The following PFKFB3 variants were observed in gnomAD, a reference collection of about 807,000 sequenced individuals.
The protein encoded by PFKFB3 is 6-phosphofructo-2-kinase/fructose-2,6-biphosphatase 3.
Under a neutral mutation model 68.0 loss-of-function variants are expected in PFKFB3, and 33 were observed. The observed-to-expected ratio is 0.49, with a 90% confidence interval of 0.37 to 0.65. The LOEUF is 0.65. Ranked by LOEUF, PFKFB3 falls within the 30% of genes least tolerant of loss-of-function variation. The pLI, the probability that PFKFB3 is intolerant of heterozygous loss-of-function variation, is 0.00. For synonymous variants in PFKFB3, 315 were observed against 288.2 expected (o/e 1.09, Z -0.94); for missense variants, 586 against 712.2 (o/e 0.82, Z 2.02).
chr10:6,254,401 G>A (rs936683688), exon 15 of PFKFB3: 1 of 398,564 alleles, frequency 2.5e-6, no homozygotes, highest in Non-Finnish European at 4.4e-6. Context: ...CAATTAACCT[G>A]AGCTGCTGAG....
intron 14 of PFKFB3, among the ~76,000 whole-genome samples, chr10:6,232,238 G>GT (rs980295671): frequency 1.3e-4 from 17 of 130,334 alleles, no homozygotes; most frequent in African/African-American, 4.6e-4. Flanking sequence ...TTTGGAGCAT[G>GT]TTTTTTTGCG....
chr10:6,307,353 A>G, the PFKFB3 span, among the ~76,000 whole-genome samples: 1 of 151,490 alleles, frequency 6.6e-6, no homozygotes, highest in African/African-American at 2.4e-5. Flanking sequence ...ACACACACAC[A>G]CACACACACA....
intron 1 of PFKFB3, among the ~76,000 whole-genome samples, chr10:6,145,767 G>A (rs1841367643): frequency 6.6e-6 from 1 of 152,198 alleles, no homozygotes; most frequent in Non-Finnish European, 1.5e-5. Context: ...TGATGAGCGC[G>A]GCCCGGCCCC....
At position 6,233,085 on chromosome 10, in the gene PFKFB3, A is replaced by G. The variant is rs1845844281; in HGVS notation, c.*143A>G. 2.9e-6 allele frequency: 2 copies of G among 697,820 alleles called. No individual in the cohort carries two copies. The highest frequency in any genetic ancestry group is 2.6e-5 in the East Asian group (1 of 38,086). 43.2% of individuals were successfully genotyped at this position (697,820 alleles called of 1,614,324 possible). A position where few individuals can be genotyped will look rare whatever the true frequency, so the allele number is the denominator to read the frequency against. ...GGGGGAGCCTTGGCCGAAGAGAACC[A>G]TGCTTGGCACCGTCTGTGTCCCCTC... On this transcript the variant is annotated 3_prime_UTR_variant, in exon 15 of 15. Coordinates refer to ENST00000379775, the MANE Select transcript of PFKFB3 (RefSeq NM_004566.4).
chr10:6,200,674 G>C (rs11257214), upstream of PFKFB3, among the ~76,000 whole-genome samples: 1 of 124,188 alleles, frequency 8.1e-6, no homozygotes, highest in East Asian at 2.2e-4. Flanking sequence ...GGGGGGGGGG[G>C]GCGGGGGGTG....
At chr10:6,211,489 T>C (rs1445208924) in intron 1 of PFKFB3, among the ~76,000 whole-genome samples, 1 of 152,116 alleles carries the variant, frequency 6.6e-6, no homozygotes, top group Non-Finnish European at 1.5e-5. Flanking sequence ...GGATGGGTAT[T>C]GTTTCCAAGG....
intron 1 of PFKFB3, among the ~76,000 whole-genome samples, chr10:6,183,044 C>G (rs1302296453): frequency 6.6e-6 from 1 of 152,202 alleles, no homozygotes; most frequent in Admixed American, 6.5e-5. Context: ...CACGCCCCAG[C>G]CCCAAACCTA....
At chr10:6,256,772 A>T (rs1381219120), downstream of PFKFB3, among the ~76,000 whole-genome samples, 2 of 152,204 alleles carry the variant, frequency 1.3e-5, no homozygotes, top group African/African-American at 2.4e-5. Flanking sequence ...CCTGGATAGG[A>T]TGTTCAAATC....
In PFKFB3 at chr10:6,229,600, C is replaced by T. The variant is rs530562829; in HGVS notation, c.1515+3235C>T. On this transcript the variant is annotated intron_variant, in intron 14 of 14. Coordinates refer to ENST00000379775, the MANE Select transcript of PFKFB3 (RefSeq NM_004566.4). The surrounding 1 kb of genome is among the most constrained non-coding windows in gnomAD (Gnocchi z 4.3). ...CCTTAACTTCCAGCTTCTTGGGGCG[C>T]ACCCTCCATCCTCAGGGCCAGTGTC... Among the ~76,000 whole-genome samples, 67 of 152,274 alleles carry T rather than the reference C, an allele frequency of 4.4e-4. No homozygotes were observed. In the East Asian group the frequency reaches 6.0e-3, roughly 14 times the overall value.
intron 4 of PFKFB3, 151 bp downstream of exon 4, chr10:6,216,342 G>T (rs1844580273): frequency 2.7e-6 from 2 of 745,908 alleles, no homozygotes; most frequent in Non-Finnish European, 4.7e-6. Context: ...GAAGGAGGAT[G>T]TGGGGTGGAC....
Position 6,224,131 on chromosome 10 carries a change from C to G in PFKFB3, c.1277-18C>G, listed in dbSNP as rs966589080. Reference sequence around the variant, plus strand: ...CCTTTAACAGCAGCTTCCTCTGCCCCCATCCCACGCCCTCCAGGCTGCCGT... The same window carrying G: ...CCTTTAACAGCAGCTTCCTCTGCCCGCATCCCACGCCCTCCAGGCTGCCGT... On this transcript the variant is annotated intron_variant, in intron 12 of 14. Coordinates refer to ENST00000379775, the MANE Select transcript of PFKFB3 (RefSeq NM_004566.4). The G allele has an allele frequency of 5.0e-6, 8 of 1,614,040 alleles. No homozygotes were observed. The African/African-American group carries it at 1.1e-4, about 22-fold the overall frequency.
At chr10:6,318,563 T>G in the PFKFB3 span, among the ~76,000 whole-genome samples, 1 of 152,176 alleles carries the variant, frequency 6.6e-6, no homozygotes, top group South Asian at 2.1e-4. Context: ...CAATATCCAT[T>G]GCCCTGTTTT....
intron 1 of PFKFB3, among the ~76,000 whole-genome samples, chr10:6,177,032 C>T (rs941659130): frequency 2.6e-5 from 4 of 152,284 alleles, no homozygotes; most frequent in African/African-American, 9.6e-5. Context: ...AGACGAGCTT[C>T]TTGCACTGGG....
At chr10:6,201,188 G>A (rs192240696), upstream of PFKFB3, among the ~76,000 whole-genome samples, 2 of 152,042 alleles carry the variant, frequency 1.3e-5, no homozygotes, top group African/African-American at 4.8e-5. This position sits in a 1 kb window ranked among gnomAD's most constrained non-coding sequence, Gnocchi z 4.1. Context: ...CGTCCCGGTG[G>A]CGCGGGCGCT....
At chr10:6,262,290 T>TA in the PFKFB3 span, among the ~76,000 whole-genome samples, 1 of 150,290 alleles carries the variant, frequency 6.7e-6, no homozygotes, top group African/African-American at 2.4e-5. Flanking sequence ...CTGTCTCTAC[T>TA]AAAAATACAA....
At chr10:6,319,342 C>A in the PFKFB3 span, among the ~76,000 whole-genome samples, 1 of 152,210 alleles carries the variant, frequency 6.6e-6, no homozygotes, top group Non-Finnish European at 1.5e-5. Flanking sequence ...GAAAAAGGAT[C>A]ATGTCTTTTG....
chr10:6,175,156 C>G (rs2131757547), intron 1 of PFKFB3, among the ~76,000 whole-genome samples: 1 of 152,306 alleles, frequency 6.6e-6, no homozygotes, highest in East Asian at 1.9e-4. Context: ...TCCCCAGCTT[C>G]TCTCCTCAAA....
rs58138401 is a variant in PFKFB3 at position 6,169,142 on chromosome 10, A to G, written c.16+24129A>G. On this transcript the variant is annotated intron_variant, in intron 1 of 14. Transcript: ENST00000379789. ...TTTTTAGTAGAGACGGGGTCTTGCC[A>G]TGTTGGCCAGGATGGTCTCGAACTC... is the stretch of plus-strand genomic sequence containing the variant. Among the ~76,000 whole-genome samples the G allele has an allele frequency of 5.9e-5, 9 of 152,186 alleles. 1 individual carries two copies. In the South Asian group the frequency reaches 1.9e-3, roughly 32 times the overall value.
In PFKFB3 at chr10:6,235,054, T is replaced by C. The variant is rs1845955536; in HGVS notation, c.*2112T>C. The C allele has an allele frequency of 6.6e-6, 1 of 152,670 alleles. No individual in the cohort carries two copies. The highest frequency in any genetic ancestry group is 2.4e-5 in the African/African-American group (1 of 41,410). 9.5% of individuals were successfully genotyped at this position (152,670 alleles called of 1,614,324 possible). A position where few individuals can be genotyped will look rare whatever the true frequency, so the allele number is the denominator to read the frequency against. ...GGGGGTTGGGTTTGAGCTACAGTCA[T>C]GAACTTTTGGCGTCTACTGATTCCT... On this transcript the variant is annotated 3_prime_UTR_variant, in exon 15 of 15. Coordinates refer to ENST00000379775, the MANE Select transcript of PFKFB3 (RefSeq NM_004566.4).
Sources: allele counts gnomAD v4.1 joint callset (sites outside exome capture counted in the v4.1 genomes callset), GRCh38; gene constraint gnomAD v4.1.1; non-coding constraint Gnocchi (gnomAD v3.1); transcripts MANE v1.5; gene names NCBI Gene and HGNC (gene_info 2026-07-23, HGNC 2026-07-21).